Variants in KIF21A observed in about 807,000 individuals in gnomAD.
KIF21A encodes kinesin-like protein KIF21A.
Under a neutral mutation model 202.9 loss-of-function variants are expected in KIF21A, and 114 were observed. The observed-to-expected ratio is 0.56, with a 90% CI of 0.48 to 0.66. The LOEUF (loss-of-function observed/expected upper bound fraction) is 0.66. KIF21A is among the 30% of genes least tolerant of loss of function. The probability of loss-of-function intolerance (pLI) is 0.00; values close to 1 mark genes in which losing one functional copy is unlikely to be tolerated. For synonymous variants in KIF21A, 667 were observed against 670.8 expected, an observed-to-expected ratio of 0.99 and a Z score of 0.09; for missense variants, 1,677 against 1,994.9, an observed-to-expected ratio of 0.84 and a Z score of 3.04.
chr12:39,384,055 G>C (rs1021536003), intron 1 of KIF21A, among the ~76,000 whole-genome samples: 7 of 152,268 alleles, frequency 4.6e-5, no homozygotes, highest in Non-Finnish European at 1.0e-4. Context: ...GAAGACATCA[G>C]CCCAAGTAAG....
intron 6 of KIF21A, among the ~76,000 whole-genome samples, chr12:39,366,013 T>C (rs1592360315): frequency 6.6e-6 from 1 of 151,398 alleles, no homozygotes; most frequent in Admixed American, 6.6e-5. Context: ...TTTAAAAAAA[T>C]AAAAGATAAA....
At chr12:39,312,950 A>G (rs1944173608) in intron 31 of KIF21A, 1 of 151,956 alleles carries the variant, frequency 6.6e-6, no homozygotes, top group African/African-American at 2.4e-5. Context: ...CCATTATGTA[A>G]GACAAATGGC....
chr12:39,302,471 C>T (rs941556393), intron 36 of KIF21A, among the ~76,000 whole-genome samples: 1 of 152,136 alleles, frequency 6.6e-6, no homozygotes, highest in East Asian at 1.9e-4. Context: ...TAGGAAAAGA[C>T]AGCAATATTT....
intron 1 of KIF21A, among the ~76,000 whole-genome samples, chr12:39,403,442 C>A (rs1318440519): frequency 2.0e-5 from 3 of 152,114 alleles, no homozygotes; most frequent in Non-Finnish European, 4.4e-5. Flanking sequence ...TAAAAATGTA[C>A]ACACACTTTT....
At chr12:39,320,932 CAAAAAA>C (rs59613512) in intron 27 of KIF21A, among the ~76,000 whole-genome samples, 38 of 16,114 alleles carry the variant, frequency 2.4e-3, no homozygotes, top group Non-Finnish European at 4.3e-3. Flanking sequence ...AAGACTCTGC[CAAAAAA>C]AAAAAAAAAA....
chr12:39,294,570 G>T (rs1003277391), intron 37 of KIF21A, 53 bp from the exon 38 acceptor site: 2 of 1,295,160 alleles, frequency 1.5e-6, no homozygotes, highest in Non-Finnish European at 1.1e-6. Flanking sequence ...GAAAGATAAA[G>T]AAATAGCTCT....
intron 6 of KIF21A, among the ~76,000 whole-genome samples, chr12:39,363,690 GGT>G (rs1949406349): frequency 6.6e-6 from 1 of 152,168 alleles, no homozygotes; most frequent in Non-Finnish European, 1.5e-5. Flanking sequence ...CTCTGAACAA[GGT>G]ATTCCTATGC....
At chr12:39,303,643 T>G (rs766293633) in intron 35 of KIF21A, among the ~76,000 whole-genome samples, 4 of 152,210 alleles carry the variant, frequency 2.6e-5, no homozygotes, top group Non-Finnish European at 4.4e-5. Context: ...ATTTTTTTCA[T>G]GTATAAGTGC....
intron 1 of KIF21A, among the ~76,000 whole-genome samples, chr12:39,393,344 C>G (rs1951508750): frequency 6.6e-6 from 1 of 152,138 alleles, no homozygotes; most frequent in Non-Finnish European, 1.5e-5. Context: ...TAGCAGAACC[C>G]AGCAGGGCAG....
At chr12:39,420,992 C>T (rs1954209639) in intron 1 of KIF21A, among the ~76,000 whole-genome samples, 1 of 151,976 alleles carries the variant, frequency 6.6e-6, no homozygotes, top group Non-Finnish European at 1.5e-5. Flanking sequence ...ACTGTACATA[C>T]AATAGGATTT....
At chr12:39,312,773 T>C (rs927362238) in intron 31 of KIF21A, 9 of 151,980 alleles carry the variant, frequency 5.9e-5, no homozygotes, top group African/African-American at 2.2e-4. Flanking sequence ...TATGGAAATA[T>C]AAAGATTATC....
At chr12:39,381,408 T>C (rs935999499) in intron 1 of KIF21A, among the ~76,000 whole-genome samples, 20 of 152,110 alleles carry the variant, frequency 1.3e-4, no homozygotes, top group Admixed American at 1.3e-3. Flanking sequence ...ATTATTTTTG[T>C]TTACAATCAC....
At chr12:39,397,426 C>A (rs1951837962) in intron 1 of KIF21A, among the ~76,000 whole-genome samples, 1 of 151,666 alleles carries the variant, frequency 6.6e-6, no homozygotes, top group African/African-American at 2.4e-5. Flanking sequence ...TCTTAGCCCC[C>A]ATCCAAACCA....
intron 1 of KIF21A, among the ~76,000 whole-genome samples, chr12:39,416,661 A>ATATATATATATGTACATATATATGTGTG (rs1566265680): frequency 4.4e-4 from 46 of 103,558 alleles, no homozygotes; most frequent in East Asian, 8.8e-4. Flanking sequence ...ATATATGTGT[A>ATATATATATATGTACATATATATGTGTG]TATATATATG....
At chr12:39,389,321 C>T (rs977881775) in intron 1 of KIF21A, among the ~76,000 whole-genome samples, 35 of 152,074 alleles carry the variant, frequency 2.3e-4, no homozygotes, top group African/African-American at 8.2e-4. Flanking sequence ...TTTTATGTAC[C>T]TCTAATATAC....
intron 24 of KIF21A, among the ~76,000 whole-genome samples, chr12:39,329,097 G>A (rs1263831084): frequency 6.6e-6 from 1 of 152,152 alleles, no homozygotes; most frequent in East Asian, 1.9e-4. Context: ...GATTTTTAAA[G>A]CAATGTACCT....
At chr12:39,413,353 T>C (rs1041809627) in intron 1 of KIF21A, among the ~76,000 whole-genome samples, 5 of 152,200 alleles carry the variant, frequency 3.3e-5, no homozygotes, top group African/African-American at 1.2e-4. Context: ...TCTTCCCTCC[T>C]GCCCCTACCT....
chr12:39,343,938 C>T (rs969326581), intron 12 of KIF21A, among the ~76,000 whole-genome samples: 8 of 152,064 alleles, frequency 5.3e-5, no homozygotes, highest in African/African-American at 1.9e-4. Flanking sequence ...TCGGTTGGAG[C>T]AGAATGGTAC....
intron 1 of KIF21A, among the ~76,000 whole-genome samples, chr12:39,405,603 T>C (rs904800605): frequency 6.6e-6 from 1 of 152,304 alleles, no homozygotes; most frequent in East Asian, 1.9e-4. Context: ...AAAAGCTTCA[T>C]ATAGTTCTTT....
Sources: allele counts gnomAD v4.1 joint callset (sites outside exome capture counted in the v4.1 genomes callset), GRCh38; gene constraint gnomAD v4.1.1; transcripts MANE v1.5; gene names NCBI Gene and HGNC (gene_info 2026-07-23, HGNC 2026-07-21).